Variants in LMX1A observed in about 807,000 individuals in gnomAD.
LMX1A encodes LIM homeobox transcription factor 1-alpha.
LMX1A carries 15 observed loss-of-function variants against 49.1 expected under a neutral mutation model. The observed-to-expected ratio is 0.31, with a 90% CI of 0.20 to 0.47. LMX1A has a LOEUF of 0.47. LMX1A is among the 20% of genes least tolerant of loss of function. The pLI is 1.00. For missense variants in LMX1A, 372 were observed against 475.8 expected (o/e 0.78, Z 2.03); for synonymous variants, 167 against 185.7 (o/e 0.90, Z 0.82).
chr1:165,274,824 T>C (rs7519089), intron 3 of LMX1A, among the ~76,000 whole-genome samples: 41,361 of 152,112 alleles, frequency 0.27, 5,832 homozygotes, highest in African/African-American at 0.31. Flanking sequence ...CCTGAGCTAC[T>C]TAACCTCTCT....
intron 3 of LMX1A, among the ~76,000 whole-genome samples, chr1:165,256,984 T>G (rs1653263361): frequency 6.6e-6 from 1 of 151,754 alleles, no homozygotes; most frequent in Admixed American, 6.6e-5. Flanking sequence ...CACCCTACTG[T>G]TCTGAACATC....
chr1:165,355,465 G>T lies in LMX1A; in HGVS notation c.76+19C>A. The T allele has an allele frequency of 1.2e-6, 2 of 1,612,502 alleles. No individual in the cohort carries two copies. The highest frequency in any genetic ancestry group is 8.5e-7 in the Non-Finnish European group (1 of 1,178,958). On this transcript the variant is annotated intron_variant, in intron 2 of 8. Coordinates refer to ENST00000342310, the MANE Select transcript of LMX1A (RefSeq NM_177398.4). The surrounding 1 kb of genome is among the most constrained non-coding windows in gnomAD (Gnocchi z 4.7). ...AGCGGAAAGAGAGTGCGCCCAGGAC[G>T]CACGGCCTGAACACTCACCCAGCAG...
At chr1:165,332,464 A>C (rs1053271196) in intron 3 of LMX1A, among the ~76,000 whole-genome samples, 1 of 152,188 alleles carries the variant, frequency 6.6e-6, no homozygotes, top group Non-Finnish European at 1.5e-5. Flanking sequence ...CTATTACACT[A>C]TATATAACAT....
At chr1:165,212,519 T>TG (rs927511630) in intron 5 of LMX1A, among the ~76,000 whole-genome samples, 66 of 151,074 alleles carry the variant, frequency 4.4e-4, no homozygotes, top group African/African-American at 1.4e-3. Flanking sequence ...TTTGTTTGTT[T>TG]TTTTTTTATC....
At chr1:165,268,142 T>C (rs1653684445) in intron 3 of LMX1A, among the ~76,000 whole-genome samples, 3 of 152,110 alleles carry the variant, frequency 2.0e-5, no homozygotes, top group African/African-American at 7.2e-5. Flanking sequence ...AGTGTCAGCC[T>C]TAACTTAGAG....
intron 3 of LMX1A, among the ~76,000 whole-genome samples, chr1:165,281,730 T>TTGTGTGTGTGTGTG (rs61207728): frequency 2.7e-5 from 4 of 149,526 alleles, no homozygotes; most frequent in Admixed American, 6.7e-5. Flanking sequence ...AGGCAATATT[T>TTGTGTGTGTGTGTG]TGTGTGTGTG....
At chr1:165,343,019 T>A (rs1207164898) in intron 3 of LMX1A, among the ~76,000 whole-genome samples, 1 of 152,208 alleles carries the variant, frequency 6.6e-6, no homozygotes, top group Admixed American at 6.5e-5. Flanking sequence ...AACCTCTCCT[T>A]ACCTAACTTT....
chr1:165,290,443 T>TGA (rs1654436536), intron 3 of LMX1A, among the ~76,000 whole-genome samples: 1 of 149,566 alleles, frequency 6.7e-6, no homozygotes, highest in South Asian at 2.1e-4. Context: ...ATTGCCTTCG[T>TGA]GTGTGTGTGT....
At chr1:165,287,506 T>C (rs1325890903) in intron 3 of LMX1A, among the ~76,000 whole-genome samples, 1 of 152,122 alleles carries the variant, frequency 6.6e-6, no homozygotes, top group Non-Finnish European at 1.5e-5. Context: ...CTTTTGTTCC[T>C]TTGTGTCCCA....
intron 3 of LMX1A, among the ~76,000 whole-genome samples, chr1:165,333,757 C>T (rs571658032): frequency 6.6e-5 from 10 of 152,148 alleles, no homozygotes; most frequent in Admixed American, 2.6e-4. Flanking sequence ...CACACAAACA[C>T]GCACACACAC....
At chr1:165,211,022 T>C (rs1179753918) in intron 5 of LMX1A, 2 of 365,038 alleles carry the variant, frequency 5.5e-6, no homozygotes, top group African/African-American at 2.1e-5. Context: ...AAGAGGTGTT[T>C]CTGGATTTCT....
intron 4 of LMX1A, 137 bp from the exon 5 acceptor site, chr1:165,213,950 C>A: frequency 1.4e-6 from 1 of 726,190 alleles, no homozygotes; most frequent in Non-Finnish European, 2.3e-6. Flanking sequence ...TGTGGTATTG[C>A]TTTGAAAGCT....
chr1:165,274,031 T>C (rs1653887686), intron 3 of LMX1A, among the ~76,000 whole-genome samples: 1 of 152,242 alleles, frequency 6.6e-6, no homozygotes, highest in Admixed American at 6.5e-5. Context: ...AACATAATTG[T>C]CATCCCCACT....
At chr1:165,224,844 G>C (rs1353338628) in intron 4 of LMX1A, among the ~76,000 whole-genome samples, 2 of 152,086 alleles carry the variant, frequency 1.3e-5, no homozygotes, top group East Asian at 1.9e-4. Context: ...CCACAGTTAG[G>C]GTTCACCTGG....
intron 3 of LMX1A, among the ~76,000 whole-genome samples, chr1:165,253,004 CT>C (rs1653111874): frequency 6.6e-6 from 1 of 152,206 alleles, no homozygotes; most frequent in African/African-American, 2.4e-5. Flanking sequence ...ATATACCAAA[CT>C]CTGTGTCTTT....
chr1:165,250,094 A>C (rs1653003186), intron 3 of LMX1A, among the ~76,000 whole-genome samples: 1 of 152,088 alleles, frequency 6.6e-6, no homozygotes, highest in Admixed American at 6.5e-5. Context: ...GGGTGGGGGA[A>C]GGGAGAGCAT....
intron 3 of LMX1A, among the ~76,000 whole-genome samples, chr1:165,271,967 G>A (rs1653807506): frequency 6.6e-6 from 1 of 152,172 alleles, no homozygotes; most frequent in South Asian, 2.1e-4. Flanking sequence ...TGGCTACCAT[G>A]TTGGACAGCA....
intron 3 of LMX1A, among the ~76,000 whole-genome samples, chr1:165,337,688 G>T (rs910336475): frequency 6.6e-6 from 1 of 152,102 alleles, no homozygotes; most frequent in African/African-American, 2.4e-5. Context: ...CTTGCTTGTG[G>T]CTGGTTATCG....
chr1:165,238,782 A>G (rs967968997), intron 4 of LMX1A, among the ~76,000 whole-genome samples: 2 of 152,236 alleles, frequency 1.3e-5, no homozygotes, highest in African/African-American at 4.8e-5. Flanking sequence ...TTTCATATAC[A>G]TGTACGTTTT....
Sources: gnomAD v4.1 joint callset for allele counts (sites outside exome capture counted in the v4.1 genomes callset) on GRCh38, gnomAD v4.1.1 for gene constraint, Gnocchi (gnomAD v3.1) non-coding constraint, MANE v1.5 for transcripts, NCBI Gene and HGNC (gene_info 2026-07-23, HGNC 2026-07-21) for gene names.